Variants in ERC1 observed in about 807,000 individuals in gnomAD.
ERC1 encodes ELKS/RAB6-interacting/CAST family member 1.
A neutral mutation model predicts 132.0 loss-of-function variants in ERC1; 56 were observed. That is an observed-to-expected ratio of 0.42 (90% confidence interval 0.34 to 0.53). The LOEUF (loss-of-function observed/expected upper bound fraction) is 0.53, where lower values mean the gene tolerates loss of function less well. Among genes scored for constraint, ERC1 ranks in the 20% least tolerant of loss-of-function variants. ERC1 has a pLI of 0.03. For missense variants in ERC1, 1,202 were observed against 1,349.9 expected, an observed-to-expected ratio of 0.89 and a Z score of 1.72; for synonymous variants, 478 against 476.1, an observed-to-expected ratio of 1.00 and a Z score of -0.05.
At chr12:1,310,797 G>A (rs2081251652) in intron 15 of ERC1, among the ~76,000 whole-genome samples, 1 of 152,268 alleles carries the variant, frequency 6.6e-6, no homozygotes, top group African/African-American at 2.4e-5. Context: ...TGACAAAGCT[G>A]ATTAGAGAAC....
At chr12:1,214,529 C>G (rs1958188077) in intron 12 of ERC1, among the ~76,000 whole-genome samples, 1 of 152,142 alleles carries the variant, frequency 6.6e-6, no homozygotes, top group South Asian at 2.1e-4. Flanking sequence ...CCCTCCACTC[C>G]CCGCCTCCCG....
chr12:1,440,603 TGTGTGTGTGTGTGTGTGTGTG>T (rs1565445307), intron 17 of ERC1, among the ~76,000 whole-genome samples: 339 of 15,086 alleles, frequency 0.022, 46 homozygotes, highest in African/African-American at 0.048. Context: ...CAGCCTTTTG[TGTGTGTGTGTGTGTGTGTGTG>T]TGTGTGTGTG....
chr12:1,265,773 T>A (rs914953003), intron 14 of ERC1, among the ~76,000 whole-genome samples: 1 of 152,240 alleles, frequency 6.6e-6, no homozygotes, highest in Non-Finnish European at 1.5e-5. Flanking sequence ...TCTGTAGTTT[T>A]GCCGTTTTCT....
chr12:1,255,421 T>G (rs1048407065), intron 13 of ERC1, among the ~76,000 whole-genome samples: 3 of 152,140 alleles, frequency 2.0e-5, no homozygotes, highest in African/African-American at 7.2e-5. Flanking sequence ...TGCATGTATC[T>G]TTATTATAGA....
chr12:1,302,226 C>T (rs1433788965), intron 15 of ERC1, among the ~76,000 whole-genome samples: 1 of 152,122 alleles, frequency 6.6e-6, no homozygotes, highest in Non-Finnish European at 1.5e-5. Flanking sequence ...AACTCACTAC[C>T]TGAACAAAAT....
At chr12:1,202,478 G>A (rs921003663) in intron 12 of ERC1, among the ~76,000 whole-genome samples, 45 of 152,024 alleles carry the variant, frequency 3.0e-4, no homozygotes, top group Admixed American at 9.2e-4. Flanking sequence ...GGCAAGTGGC[G>A]AAACCTCGTC....
intron 15 of ERC1, among the ~76,000 whole-genome samples, chr12:1,357,475 A>G (rs1226070684): frequency 6.6e-6 from 1 of 152,210 alleles, no homozygotes; most frequent in Admixed American, 6.5e-5. Flanking sequence ...CAGACATCTA[A>G]ATAAGCAGAA....
At chr12:1,107,413 G>C (rs1057028395) in intron 4 of ERC1, among the ~76,000 whole-genome samples, 9 of 152,132 alleles carry the variant, frequency 5.9e-5, no homozygotes, top group African/African-American at 2.2e-4. Flanking sequence ...AATTCAGGTG[G>C]ACTGACAGGT....
chr12:1,057,415 T>C (rs1002960515), intron 2 of ERC1, among the ~76,000 whole-genome samples: 1 of 152,156 alleles, frequency 6.6e-6, no homozygotes, highest in Non-Finnish European at 1.5e-5. Context: ...CATGAGCCAC[T>C]GCGCCCAGCC....
At chr12:1,352,973 T>G (rs578181696) in intron 15 of ERC1, among the ~76,000 whole-genome samples, 103 of 152,120 alleles carry the variant, frequency 6.8e-4, no homozygotes, top group Non-Finnish European at 1.3e-3. Flanking sequence ...ATCTTTTAGC[T>G]CTCACCTTGA....
chr12:1,040,121 G>A (rs922247567), intron 2 of ERC1, among the ~76,000 whole-genome samples: 1 of 152,084 alleles, frequency 6.6e-6, no homozygotes, highest in African/African-American at 2.4e-5. Context: ...ACCTACCTCT[G>A]TTGTGATAAA....
At chr12:1,348,119 G>T (rs893095593) in intron 15 of ERC1, among the ~76,000 whole-genome samples, 3 of 152,176 alleles carry the variant, frequency 2.0e-5, no homozygotes, top group Non-Finnish European at 2.9e-5. Flanking sequence ...ATGCTACAAA[G>T]GTTGGTAGCA....
chr12:1,273,868 T>C (rs754694039), intron 14 of ERC1, among the ~76,000 whole-genome samples: 2 of 152,224 alleles, frequency 1.3e-5, no homozygotes, highest in African/African-American at 4.8e-5. Flanking sequence ...GTTGTGACAC[T>C]AGGATATTCA....
chr12:1,237,707 G>A (rs1038274054), intron 13 of ERC1, among the ~76,000 whole-genome samples: 2 of 152,244 alleles, frequency 1.3e-5, no homozygotes, highest in African/African-American at 2.4e-5. Flanking sequence ...GGGACTTCCT[G>A]AATCTGTAGA....
At chr12:1,178,021 A>T (rs1953933836) in intron 8 of ERC1, among the ~76,000 whole-genome samples, 1 of 152,242 alleles carries the variant, frequency 6.6e-6, no homozygotes. Flanking sequence ...CTCAGTTCTT[A>T]CAATAGGCTT....
chr12:1,488,095 G>A (rs937838931), intron 18 of ERC1, among the ~76,000 whole-genome samples: 6 of 148,074 alleles, frequency 4.1e-5, no homozygotes, highest in Middle Eastern at 3.5e-3. Flanking sequence ...CTGAGATCGC[G>A]CCACTGCACT....
chr12:1,170,091 C>A (rs1190063536), intron 8 of ERC1, among the ~76,000 whole-genome samples: 1 of 152,120 alleles, frequency 6.6e-6, no homozygotes, highest in Non-Finnish European at 1.5e-5. Flanking sequence ...AGAAAAAAAT[C>A]TGTGTAAAAA....
chr12:1,379,774 C>T (rs2088411467), intron 16 of ERC1, among the ~76,000 whole-genome samples: 1 of 152,130 alleles, frequency 6.6e-6, no homozygotes, highest in African/African-American at 2.4e-5. Context: ...ATGGAATTTG[C>T]AGTGTCTTCC....
intron 1 of ERC1, among the ~76,000 whole-genome samples, chr12:1,005,872 G>C (rs949053660): frequency 6.6e-6 from 1 of 150,790 alleles, no homozygotes; most frequent in Non-Finnish European, 1.5e-5. Context: ...TCAGAATTAG[G>C]TTTTGATTCT....
Sources: gnomAD v4.1 joint callset for allele counts (sites outside exome capture counted in the v4.1 genomes callset) on GRCh38, gnomAD v4.1.1 for gene constraint, MANE v1.5 for transcripts, NCBI Gene and HGNC (gene_info 2026-07-23, HGNC 2026-07-21) for gene names.